Variants in DPP10 observed in about 807,000 individuals in gnomAD.
DPP10 encodes the protein inactive dipeptidyl peptidase 10.
A neutral mutation model predicts 120.9 loss-of-function variants in DPP10; 33 were observed. That is an observed-to-expected ratio of 0.27 (90% confidence interval 0.21 to 0.37). DPP10 has a LOEUF of 0.37. Ranked by LOEUF, DPP10 falls within the 10% of genes least tolerant of loss-of-function variation. The probability of loss-of-function intolerance (pLI) is 1.00; values close to 1 mark genes in which losing one functional copy is unlikely to be tolerated. For synonymous variants in DPP10, 337 were observed against 326.1 expected, an observed-to-expected ratio of 1.03 and a Z score of -0.36; for missense variants, 816 against 942.8, an observed-to-expected ratio of 0.87 and a Z score of 1.76.
chr2:115,339,754 T>G (rs1045607570), intron 2 of DPP10, among the ~76,000 whole-genome samples: 1 of 152,102 alleles, frequency 6.6e-6, no homozygotes, highest in Non-Finnish European at 1.5e-5. Context: ...TTCTTAAAAT[T>G]ACAAAATTTT....
rs1559209900 is a variant in DPP10, at chr2:115,827,442, ATATAT to A, written c.1951-8714_1951-8710del. 6.3e-3 allele frequency among the ~76,000 whole-genome samples: 905 copies of A among 143,722 alleles called. 12 individuals are homozygous for A. The highest frequency in any genetic ancestry group is 0.02 in the African/African-American group (774 of 39,186). 94.3% of individuals were successfully genotyped at this position (143,722 alleles called of 152,430 possible). On this transcript the variant is annotated intron_variant, in intron 21 of 25. Coordinates refer to ENST00000410059, the MANE Select transcript of DPP10 (RefSeq NM_020868.6). ...TATATATATATATATATATATATAT[ATATAT>A]GCTCTACAGTGGTATACTTCTGTTT... is the stretch of plus-strand genomic sequence containing the variant.
chr2:115,402,469 C>A (rs2068141151), intron 3 of DPP10, among the ~76,000 whole-genome samples: 1 of 152,088 alleles, frequency 6.6e-6, no homozygotes, highest in Non-Finnish European at 1.5e-5. Flanking sequence ...TCACAATTTA[C>A]ACCACTAAAA....
intron 1 of DPP10, among the ~76,000 whole-genome samples, chr2:114,555,736 A>C (rs567561620): frequency 1.3e-5 from 2 of 152,332 alleles, no homozygotes; most frequent in South Asian, 4.1e-4. Context: ...TTCATATTTA[A>C]TGATGTATAA....
chr2:115,164,489 A>G (rs565783208), intron 1 of DPP10, among the ~76,000 whole-genome samples: 1 of 152,282 alleles, frequency 6.6e-6, no homozygotes, highest in African/African-American at 2.4e-5. Context: ...TACCTTTATG[A>G]AATTTTACCT....
intron 1 of DPP10, among the ~76,000 whole-genome samples, chr2:114,604,892 G>T (rs1692662501): frequency 6.6e-6 from 1 of 151,992 alleles, no homozygotes; most frequent in Non-Finnish European, 1.5e-5. Flanking sequence ...GACTATGATT[G>T]GGTAGTTGAG....
intron 1 of DPP10, among the ~76,000 whole-genome samples, chr2:114,719,198 C>T (rs1447478649): frequency 6.6e-6 from 1 of 152,160 alleles, no homozygotes; most frequent in East Asian, 1.9e-4. Context: ...TTAGCTACAC[C>T]TGTGGCTGGT....
chr2:114,903,670 T>G (rs989823024), intron 1 of DPP10, among the ~76,000 whole-genome samples: 1 of 152,210 alleles, frequency 6.6e-6, no homozygotes, highest in Non-Finnish European at 1.5e-5. Context: ...AAATTATATG[T>G]TGAAGCCCTA....
chr2:115,145,954 T>C (rs1463172791), intron 1 of DPP10, among the ~76,000 whole-genome samples: 1 of 152,166 alleles, frequency 6.6e-6, no homozygotes, highest in East Asian at 1.9e-4. Context: ...ACTGCTGCCA[T>C]TACTTGCAAA....
intron 1 of DPP10, among the ~76,000 whole-genome samples, chr2:115,021,147 G>C (rs1204914443): frequency 6.7e-6 from 1 of 148,710 alleles, no homozygotes; most frequent in Non-Finnish European, 1.5e-5. Context: ...AAACCCAACA[G>C]TAGAAAAGAA....
At chr2:115,504,639 A>G (rs2076853029) in intron 4 of DPP10, among the ~76,000 whole-genome samples, 1 of 152,148 alleles carries the variant, frequency 6.6e-6, no homozygotes, top group African/African-American at 2.4e-5. Flanking sequence ...ACATTGATGT[A>G]CATTCAGGGA....
intron 3 of DPP10, among the ~76,000 whole-genome samples, chr2:115,378,173 TC>T (rs1422649995): frequency 6.6e-6 from 1 of 152,226 alleles, no homozygotes; most frequent in Non-Finnish European, 1.5e-5. Context: ...TATTGATTCT[TC>T]CTACCCATGA....
chr2:114,822,343 A>G (rs907853480), intron 1 of DPP10, among the ~76,000 whole-genome samples: 5 of 152,142 alleles, frequency 3.3e-5, no homozygotes, highest in African/African-American at 9.7e-5. Flanking sequence ...AGCGACCGAG[A>G]CACAGGACAC....
intron 1 of DPP10, among the ~76,000 whole-genome samples, chr2:114,487,491 C>T (rs1287937888): frequency 6.6e-6 from 1 of 152,080 alleles, no homozygotes; most frequent in African/African-American, 2.4e-5. Context: ...AAGTTCTCAA[C>T]AGAAATGACA....
intron 1 of DPP10, among the ~76,000 whole-genome samples, chr2:114,809,603 A>T (rs74649447): frequency 0.014 from 2,117 of 152,264 alleles, 58 homozygotes; most frequent in African/African-American, 0.049. Context: ...TAATTATGCA[A>T]ATTTGGAACT....
At chr2:115,704,776 A>G (rs1349888346) in intron 7 of DPP10, among the ~76,000 whole-genome samples, 2 of 152,020 alleles carry the variant, frequency 1.3e-5, no homozygotes, top group African/African-American at 4.8e-5. Context: ...ATAATCAACC[A>G]TATATCAATA....
intron 1 of DPP10, among the ~76,000 whole-genome samples, chr2:115,164,318 A>G (rs978948335): frequency 6.6e-6 from 1 of 152,038 alleles, no homozygotes; most frequent in African/African-American, 2.4e-5. Context: ...CCGTAAGACT[A>G]CTAAGCTTTT....
intron 1 of DPP10, among the ~76,000 whole-genome samples, chr2:114,604,942 G>A (rs2105249172): frequency 6.6e-6 from 1 of 152,104 alleles, no homozygotes; most frequent in South Asian, 2.1e-4. Flanking sequence ...AGAATTTGTT[G>A]GAAAGACTCA....
intron 19 of DPP10, among the ~76,000 whole-genome samples, chr2:115,794,265 A>G (rs566798745): frequency 5.9e-5 from 9 of 152,270 alleles, no homozygotes; most frequent in South Asian, 4.1e-4. Flanking sequence ...GTTTACATCC[A>G]AGGAATTATA....
In DPP10 at chr2:115,506,760, C is replaced by A. The variant is rs369053836; in HGVS notation, c.366+7156C>A. 2.2e-4 allele frequency among the ~76,000 whole-genome samples: 33 copies of A among 152,082 alleles called. No homozygotes were observed. The East Asian group carries it at 6.2e-3, about 29-fold the overall frequency. On this transcript the variant is annotated intron_variant, in intron 4 of 25. Coordinates refer to ENST00000410059, the MANE Select transcript of DPP10 (RefSeq NM_020868.6). ...TATTGATCTATCTATATCTATCAAT[C>A]AATCAACCAGTCTATCCATTTTACT... is the stretch of plus-strand genomic sequence containing the variant.
Sources: allele counts gnomAD v4.1 joint callset (sites outside exome capture counted in the v4.1 genomes callset), GRCh38; gene constraint gnomAD v4.1.1; transcripts MANE v1.5; gene names NCBI Gene and HGNC (gene_info 2026-07-23, HGNC 2026-07-21).